COL22A1: variants seen among roughly 807,000 people sequenced by gnomAD.
The protein encoded by COL22A1 is collagen type XXII alpha 1 chain, also known as collagen alpha-1(XXII) chain.
Under a neutral mutation model 248.9 loss-of-function variants are expected in COL22A1, and 221 were observed. The ratio of observed to expected loss-of-function variants is 0.89; its 90% CI spans 0.80 to 0.99. The LOEUF (loss-of-function observed/expected upper bound fraction) is 0.99, where lower values mean the gene tolerates loss of function less well. Ranked by LOEUF, COL22A1 falls within the 50% of genes least tolerant of loss-of-function variation. The probability of loss-of-function intolerance (pLI) is 0.00; values close to 1 mark genes in which losing one functional copy is unlikely to be tolerated. For missense variants in COL22A1, 2,240 were observed against 2,179.0 expected (o/e 1.03, Z -0.56); for synonymous variants, 891 against 793.4 (o/e 1.12, Z -2.07).
At position 138,588,906 on chromosome 8, in the gene COL22A1, G is replaced by A. The variant is rs150588004; in HGVS notation, c.*347C>T. ...GAGTTTCCTTAAAATGGGCAGTTAC[G>A]CGTCAGATGGGGGCTGTCAGAAGAA... On this transcript the variant is annotated 3_prime_UTR_variant, in exon 65 of 65. Transcript: ENST00000303045. 2.1e-3 allele frequency: 368 copies of A among 173,066 alleles called. 3 individuals are homozygous for A. Among genetic ancestry groups the A allele is most frequent in the African/African-American group, 8.3e-3 (353 of 42,352 alleles). 10.7% of individuals were successfully genotyped at this position (173,066 alleles called of 1,614,324 possible).
intron 56 of COL22A1, among the ~76,000 whole-genome samples, chr8:138,613,582 C>T (rs1476474415): frequency 6.6e-6 from 1 of 152,112 alleles, no homozygotes; most frequent in East Asian, 1.9e-4. Flanking sequence ...TGGTGTGGCC[C>T]AGAGCTAGAG....
chr8:138,685,830 A>G (rs890767871), intron 37 of COL22A1, among the ~76,000 whole-genome samples: 1 of 152,102 alleles, frequency 6.6e-6, no homozygotes, highest in African/African-American at 2.4e-5. Context: ...TGTTTAGGCC[A>G]CCCAGTTCAT....
chr8:138,907,518 C>T (rs1343462727), intron 1 of COL22A1, among the ~76,000 whole-genome samples: 2 of 152,244 alleles, frequency 1.3e-5, no homozygotes, highest in Non-Finnish European at 2.9e-5. Flanking sequence ...GCAAATTAAT[C>T]CACTAACTCA....
chr8:138,710,366 T>C (rs961160050), intron 30 of COL22A1, among the ~76,000 whole-genome samples: 2 of 152,186 alleles, frequency 1.3e-5, no homozygotes, highest in Non-Finnish European at 2.9e-5. Context: ...CAGGACTGGC[T>C]CTCTTGCAAG....
chr8:138,752,447 G>A (rs934029650), intron 21 of COL22A1, among the ~76,000 whole-genome samples: 4 of 152,128 alleles, frequency 2.6e-5, no homozygotes, highest in African/African-American at 7.2e-5. Flanking sequence ...TCTTAATAAC[G>A]CCATGTAAAT....
In COL22A1 at chr8:138,685,294, C is replaced by A. The variant is rs1826259978; in HGVS notation, c.2881G>T (p.Gly961Cys). The change falls in exon 38 of 65, where the codon GGC (glycine) becomes TGC (cysteine). Residue 961 changes from glycine (G) to cysteine (C), a missense_variant. Coordinates refer to ENST00000303045, the MANE Select transcript of COL22A1 (RefSeq NM_152888.3). ...RGEKGAAGEE[G>C]SPGPVGPRGD... ...CTGGGACCAACTGGCCCTGGGCTGCCTTCTTCCCCCGCTGCACCCTGGAAA... is the reference window on the plus strand; with the variant it reads ...CTGGGACCAACTGGCCCTGGGCTGCATTCTTCCCCCGCTGCACCCTGGAAA... The A allele has an allele frequency of 3.1e-6, 5 of 1,613,912 alleles. No individual in the cohort carries two copies. The highest frequency in any genetic ancestry group is 1.3e-5 in the African/African-American group (1 of 75,028).
chr8:138,685,158 A>G (rs1826244197), intron 38 of COL22A1, 50 bp downstream of exon 38: 1 of 1,260,816 alleles, frequency 7.9e-7, no homozygotes, highest in Non-Finnish European at 1.1e-6. Context: ...TTCCTTCTCT[A>G]ATTTTCACCT....
At chr8:138,889,446 A>C (rs1406888132) in intron 1 of COL22A1, among the ~76,000 whole-genome samples, 1 of 152,240 alleles carries the variant, frequency 6.6e-6, no homozygotes, top group Non-Finnish European at 1.5e-5. Flanking sequence ...CATCATTCTC[A>C]GTAAACTATC....
intron 43 of COL22A1, among the ~76,000 whole-genome samples, chr8:138,661,035 TACAG>T (rs762327249): frequency 1.5e-5 from 2 of 134,370 alleles, no homozygotes; most frequent in East Asian, 4.3e-4. Flanking sequence ...CACACACATA[TACAG>T]ACACACACAC....
intron 22 of COL22A1, among the ~76,000 whole-genome samples, chr8:138,745,432 AT>A (rs1832028870): frequency 6.6e-6 from 1 of 152,146 alleles, no homozygotes; most frequent in South Asian, 2.1e-4. Flanking sequence ...GTCATTACCT[AT>A]TTAATTAATG....
intron 51 of COL22A1, among the ~76,000 whole-genome samples, chr8:138,625,163 C>T (rs1476268822): frequency 1.3e-5 from 2 of 152,088 alleles, no homozygotes; most frequent in Non-Finnish European, 2.9e-5. Context: ...AAAGGAAGAT[C>T]GAACCTCTCC....
chr8:138,639,910 T>A (rs13248687), intron 47 of COL22A1, among the ~76,000 whole-genome samples: 103,019 of 152,134 alleles, frequency 0.68, 37,502 homozygotes, highest in East Asian at 0.86. Flanking sequence ...TTACCTTTGC[T>A]TTGAATAAGG....
intron 8 of COL22A1, 74 bp downstream of exon 8, chr8:138,812,865 G>T: frequency 8.7e-7 from 1 of 1,147,088 alleles, no homozygotes; most frequent in Non-Finnish European, 1.3e-6. Context: ...CCAACCCTAA[G>T]CTCTGGATTC....
intron 16 of COL22A1, among the ~76,000 whole-genome samples, chr8:138,765,189 G>A (rs569068609): frequency 2.0e-5 from 3 of 152,268 alleles, no homozygotes; most frequent in East Asian, 1.9e-4. Context: ...TGGCACTGGC[G>A]CCAGAACCGG....
chr8:138,677,971 T>C, intron 40 of COL22A1, among the ~76,000 whole-genome samples: 1 of 152,198 alleles, frequency 6.6e-6, no homozygotes, highest in South Asian at 2.1e-4. Context: ...TGCAGCTAAT[T>C]AAGGTAGAAC....
In COL22A1 at chr8:138,626,663, C is replaced by A. The variant is rs573576844; in HGVS notation, c.3664-420G>T. Among the ~76,000 whole-genome samples the A allele has an allele frequency of 1.8e-4, 27 of 152,274 alleles. No homozygotes were observed. In the South Asian group the frequency reaches 5.6e-3, roughly 32 times the overall value. On this transcript the variant is annotated intron_variant, in intron 50 of 64. Transcript: ENST00000303045. ...TCAGGACCTTGAGGTGTTGTGCATA[C>A]AGGACTGTACACAAGTGGGGAGCTG...
chr8:138,732,677 A>T (rs1830796949), intron 23 of COL22A1, among the ~76,000 whole-genome samples: 1 of 152,130 alleles, frequency 6.6e-6, no homozygotes, highest in Non-Finnish European at 1.5e-5. Context: ...ATTAACAACA[A>T]AATATGACTG....
At chr8:138,833,771 C>T (rs1452284627) in intron 4 of COL22A1, among the ~76,000 whole-genome samples, 1 of 152,084 alleles carries the variant, frequency 6.6e-6, no homozygotes, top group East Asian at 1.9e-4. Context: ...TGTAAAGTAA[C>T]AGAAAAATCA....
chr8:138,655,801 A>C, intron 45 of COL22A1, 96 bp downstream of exon 45: 1 of 1,025,776 alleles, frequency 9.7e-7, no homozygotes, highest in South Asian at 1.3e-5. Flanking sequence ...AATACTACCA[A>C]ATAGTTGTTC....
Sources: gnomAD v4.1 joint callset for allele counts (sites outside exome capture counted in the v4.1 genomes callset) on GRCh38, gnomAD v4.1.1 for gene constraint, MANE v1.5 for transcripts, NCBI Gene and HGNC (gene_info 2026-07-23, HGNC 2026-07-21) for gene names.